CACNG3: variants seen among roughly 807,000 people sequenced by gnomAD.
The protein encoded by CACNG3 is calcium voltage-gated channel auxiliary subunit gamma 3.
Under a neutral mutation model 28.5 loss-of-function variants are expected in CACNG3, and 3 were observed. That is an observed-to-expected ratio of 0.11 (90% CI 0.05 to 0.27). The LOEUF (loss-of-function observed/expected upper bound fraction) is 0.27. CACNG3 is among the 10% of genes least tolerant of loss of function. The pLI is 1.00. For synonymous variants in CACNG3, 174 were observed against 162.2 expected, an observed-to-expected ratio of 1.07 and a Z score of -0.55; for missense variants, 236 against 414.4, an observed-to-expected ratio of 0.57 and a Z score of 3.74.
chr16:24,286,148 C>T (rs1389313875), intron 1 of CACNG3, among the ~76,000 whole-genome samples: 2 of 152,070 alleles, frequency 1.3e-5, no homozygotes, highest in East Asian at 3.9e-4. Flanking sequence ...TCAGTTTATT[C>T]AACATGCCTT....
At chr16:24,282,286 T>A (rs1224446917) in intron 1 of CACNG3, among the ~76,000 whole-genome samples, 1 of 152,152 alleles carries the variant, frequency 6.6e-6, no homozygotes, top group African/African-American at 2.4e-5. Context: ...CATGCAGTAA[T>A]GTAGCTTGAG....
At chr16:24,266,275 C>G (rs1898607685) in intron 1 of CACNG3, among the ~76,000 whole-genome samples, 1 of 152,018 alleles carries the variant, frequency 6.6e-6, no homozygotes, top group Non-Finnish European at 1.5e-5. Flanking sequence ...GGTGGGTGAC[C>G]CACCACAGGC....
rs554959446 is a variant in CACNG3 at position 24,354,047 on chromosome 16, G to A, written c.296-786G>A. ...ATCTCTACAAAAAATACAAAAATCAGCCAGGCATGGTGGCACATGCCTGTA... is the reference window on the plus strand; with the variant it reads ...ATCTCTACAAAAAATACAAAAATCAACCAGGCATGGTGGCACATGCCTGTA... On this transcript the variant is annotated intron_variant, in intron 2 of 3. Coordinates refer to ENST00000005284, the MANE Select transcript of CACNG3 (RefSeq NM_006539.4). 2.4e-3 allele frequency among the ~76,000 whole-genome samples: 359 copies of A among 152,186 alleles called. 2 individuals carry two copies. The highest frequency in any genetic ancestry group is 3.6e-3 in the Non-Finnish European group (243 of 68,012).
At chr16:24,309,430 C>G (rs1899230422) in intron 1 of CACNG3, among the ~76,000 whole-genome samples, 1 of 152,192 alleles carries the variant, frequency 6.6e-6, no homozygotes, top group African/African-American at 2.4e-5. Flanking sequence ...ATGAGCCACA[C>G]AATGTTTCCA....
chr16:24,325,133 A>G (rs897349092), intron 1 of CACNG3, among the ~76,000 whole-genome samples: 7 of 152,160 alleles, frequency 4.6e-5, no homozygotes, highest in African/African-American at 1.4e-4. Context: ...TGAATGAATG[A>G]ATTTATGTTA....
chr16:24,273,315 T>C (rs2057856729), intron 1 of CACNG3, among the ~76,000 whole-genome samples: 2 of 152,222 alleles, frequency 1.3e-5, no homozygotes, highest in Admixed American at 6.5e-5. Flanking sequence ...ATTGACTTCC[T>C]GCCATGATAG....
intron 1 of CACNG3, among the ~76,000 whole-genome samples, chr16:24,260,500 G>A (rs1218165071): frequency 6.6e-6 from 1 of 152,176 alleles, no homozygotes; most frequent in African/African-American, 2.4e-5. Context: ...CTTGCCCAAG[G>A]TCACACACCT....
At chr16:24,289,311 AAAAAAG>A (rs1445462959) in intron 1 of CACNG3, among the ~76,000 whole-genome samples, 1 of 152,098 alleles carries the variant, frequency 6.6e-6, no homozygotes, top group African/African-American at 2.4e-5. Context: ...AAAGAAAAAA[AAAAAAG>A]AAAAAGAAAA....
At chr16:24,275,041 G>T (rs990042110) in intron 1 of CACNG3, among the ~76,000 whole-genome samples, 21 of 152,042 alleles carry the variant, frequency 1.4e-4, no homozygotes, top group African/African-American at 5.1e-4. Context: ...TAAGGGATTG[G>T]CAAGGTTGAA....
intron 3 of CACNG3, among the ~76,000 whole-genome samples, chr16:24,356,436 T>TC (rs1377815301): frequency 6.6e-6 from 1 of 152,214 alleles, no homozygotes; most frequent in Non-Finnish European, 1.5e-5. Flanking sequence ...GCTTGGTGGC[T>TC]CATGCCTGTA....
chr16:24,317,560 A>G (rs1899370845), intron 1 of CACNG3, among the ~76,000 whole-genome samples: 1 of 28,538 alleles, frequency 3.5e-5, no homozygotes, highest in Admixed American at 4.6e-4. Flanking sequence ...AAGAAAAAGA[A>G]AGAAAGAAAG....
intron 1 of CACNG3, among the ~76,000 whole-genome samples, chr16:24,308,221 G>A (rs1406373720): frequency 2.6e-5 from 4 of 152,148 alleles, no homozygotes; most frequent in Admixed American, 6.6e-5. Context: ...TGGAATGACC[G>A]CACTTGGTGG....
intron 1 of CACNG3, among the ~76,000 whole-genome samples, chr16:24,322,631 G>C (rs932249924): frequency 6.6e-6 from 1 of 152,038 alleles, no homozygotes. Flanking sequence ...GCACTTTTAA[G>C]AGGAGAGTGT....
chr16:24,289,665 G>A (rs1485662186), intron 1 of CACNG3, among the ~76,000 whole-genome samples: 1 of 152,214 alleles, frequency 6.6e-6, no homozygotes, highest in African/African-American at 2.4e-5. Flanking sequence ...GGTAGTCCAT[G>A]AAGGTACCCC....
At chr16:24,272,933 C>G (rs1179157219) in intron 1 of CACNG3, among the ~76,000 whole-genome samples, 2 of 152,078 alleles carry the variant, frequency 1.3e-5, no homozygotes, top group Admixed American at 6.5e-5. Flanking sequence ...ATACAGATTA[C>G]TTCATCATCA....
At chr16:24,264,792 G>C (rs1471272983) in intron 1 of CACNG3, among the ~76,000 whole-genome samples, 1 of 152,220 alleles carries the variant, frequency 6.6e-6, no homozygotes, top group East Asian at 1.9e-4. Context: ...GGGAAGTTAT[G>C]AAATCTGCCT....
chr16:24,315,851 A>C (rs946634860), intron 1 of CACNG3, among the ~76,000 whole-genome samples: 1 of 152,022 alleles, frequency 6.6e-6, no homozygotes, highest in Admixed American at 6.6e-5. Context: ...TAGAGATGGG[A>C]TATCTCCAGG....
At chr16:24,309,199 T>G (rs1245326146) in intron 1 of CACNG3, among the ~76,000 whole-genome samples, 1 of 152,092 alleles carries the variant, frequency 6.6e-6, no homozygotes, top group African/African-American at 2.4e-5. Context: ...GTATGCAGAG[T>G]AGAAAAAGAA....
At chr16:24,350,011 G>A (rs1332990260) in intron 2 of CACNG3, among the ~76,000 whole-genome samples, 3 of 152,102 alleles carry the variant, frequency 2.0e-5, no homozygotes, top group Non-Finnish European at 4.4e-5. Context: ...CCACCCTTAA[G>A]ACCTTAACTT....
Sources: gnomAD v4.1 joint callset for allele counts (sites outside exome capture counted in the v4.1 genomes callset) on GRCh38, gnomAD v4.1.1 for gene constraint, MANE v1.5 for transcripts, NCBI Gene and HGNC (gene_info 2026-07-23, HGNC 2026-07-21) for gene names.